ATP8A1: variants seen among roughly 807,000 people sequenced by gnomAD.
The protein encoded by ATP8A1 is phospholipid-transporting ATPase IA.
In ATP8A1, 90 loss-of-function variants were observed where a neutral mutation model predicts 177.7. That is an observed-to-expected ratio of 0.51 (90% CI 0.43 to 0.60). The LOEUF is 0.60. Among genes scored for constraint, ATP8A1 ranks in the 20% least tolerant of loss-of-function variants. ATP8A1 has a pLI of 0.00. For synonymous variants in ATP8A1, 493 were observed against 485.9 expected, an observed-to-expected ratio of 1.01 and a Z score of -0.19; for missense variants, 1,072 against 1,392.8, an observed-to-expected ratio of 0.77 and a Z score of 3.67.
intron 10 of ATP8A1, among the ~76,000 whole-genome samples, chr4:42,581,120 G>A (rs1732995712): frequency 6.6e-6 from 1 of 151,956 alleles, no homozygotes; most frequent in Non-Finnish European, 1.5e-5. Context: ...ATTCCCGTGT[G>A]CAGTTAGCCA....
At chr4:42,454,623 A>G (rs1718281726) in intron 29 of ATP8A1, among the ~76,000 whole-genome samples, 1 of 152,182 alleles carries the variant, frequency 6.6e-6, no homozygotes, top group South Asian at 2.1e-4. Context: ...ACACTTTAGA[A>G]TATATACTTG....
intron 24 of ATP8A1, among the ~76,000 whole-genome samples, chr4:42,488,770 A>C (rs943398176): frequency 2.0e-5 from 3 of 152,024 alleles, no homozygotes; most frequent in Admixed American, 2.0e-4. Flanking sequence ...TGCCTTCAAA[A>C]ACCAAGCTTA....
intron 33 of ATP8A1, among the ~76,000 whole-genome samples, chr4:42,440,076 T>C (rs1716451635): frequency 6.6e-6 from 1 of 152,220 alleles, no homozygotes; most frequent in Non-Finnish European, 1.5e-5. Flanking sequence ...CTGATGTTCA[T>C]GGCAAACACA....
intron 1 of ATP8A1, among the ~76,000 whole-genome samples, chr4:42,653,558 CAA>C (rs1156739889): frequency 1.3e-5 from 2 of 152,180 alleles, no homozygotes; most frequent in East Asian, 1.9e-4. Context: ...GACTGTTTTG[CAA>C]AAGAGTCTAT....
intron 33 of ATP8A1, among the ~76,000 whole-genome samples, chr4:42,431,393 G>C (rs1338904830): frequency 6.6e-6 from 1 of 151,986 alleles, no homozygotes; most frequent in African/African-American, 2.4e-5. Context: ...ACAATTTAAT[G>C]ATCCTTCTAT....
chr4:42,500,860 T>C (rs917987773), intron 24 of ATP8A1, among the ~76,000 whole-genome samples: 2 of 151,946 alleles, frequency 1.3e-5, no homozygotes, highest in Non-Finnish European at 2.9e-5. Flanking sequence ...TGAAGAGTTA[T>C]TTTTTTTAAG....
intron 22 of ATP8A1, among the ~76,000 whole-genome samples, chr4:42,508,787 T>C (rs1339762830): frequency 1.3e-5 from 2 of 152,176 alleles, no homozygotes; most frequent in Non-Finnish European, 2.9e-5. Flanking sequence ...TTTTTTTCCA[T>C]TTAAAATATA....
intron 1 of ATP8A1, among the ~76,000 whole-genome samples, chr4:42,653,753 C>CG (rs1472811954): frequency 1.3e-5 from 2 of 152,152 alleles, no homozygotes; most frequent in East Asian, 3.8e-4. Context: ...TTCAAATATT[C>CG]GGTCCTGTGT....
chr4:42,635,810 T>TACAC (rs1266691958), intron 1 of ATP8A1, among the ~76,000 whole-genome samples: 6 of 103,896 alleles, frequency 5.8e-5, no homozygotes, highest in Admixed American at 1.8e-4. Context: ...TATATATATA[T>TACAC]ACACATGTAT....
At chr4:42,423,392 G>A (rs1020862221) in intron 34 of ATP8A1, among the ~76,000 whole-genome samples, 10 of 152,076 alleles carry the variant, frequency 6.6e-5, no homozygotes, top group Non-Finnish European at 1.2e-4. Flanking sequence ...TTTCTCCAGT[G>A]CCATTTACTT....
At chr4:42,536,004 A>ACATTT (rs1328380904) in intron 20 of ATP8A1, among the ~76,000 whole-genome samples, 3 of 152,206 alleles carry the variant, frequency 2.0e-5, no homozygotes, top group Admixed American at 6.5e-5. Flanking sequence ...TCTACATCAA[A>ACATTT]AAGTCTGAAA....
intron 5 of ATP8A1, among the ~76,000 whole-genome samples, chr4:42,603,686 C>T (rs1264328793): frequency 6.6e-6 from 1 of 152,086 alleles, no homozygotes; most frequent in African/African-American, 2.4e-5. Flanking sequence ...TCAAAATCTG[C>T]CAATATTTTA....
chr4:42,569,408 G>C (rs1410828195), intron 14 of ATP8A1, among the ~76,000 whole-genome samples: 2 of 152,170 alleles, frequency 1.3e-5, no homozygotes, highest in East Asian at 3.9e-4. Context: ...GGTTTACAAA[G>C]TTATCCTGTA....
Position 42,555,837 on chromosome 4 carries a change from ACT to A in ATP8A1, c.1413+129_1413+130del, listed in dbSNP as rs775772313. 2,144 of 672,598 alleles carry A rather than the reference ACT, an allele frequency of 3.2e-3. 6 individuals carry two copies. Among genetic ancestry groups the A allele is most frequent in the Non-Finnish European group, 4.4e-3 (1,849 of 418,788 alleles). 41.7% of individuals were successfully genotyped at this position (672,598 alleles called of 1,614,324 possible). A position where few individuals can be genotyped will look rare whatever the true frequency, so the allele number is the denominator to read the frequency against. On this transcript the variant is annotated intron_variant, in intron 16 of 36. Coordinates refer to ENST00000381668, the MANE Select transcript of ATP8A1 (RefSeq NM_006095.2). ...AGACTCTGTCTCAAATAACTAACTA[ACT>A]AACTAAATAAATAAATAAAAGATCA...
chr4:42,647,977 A>G (rs1475169328), intron 1 of ATP8A1, among the ~76,000 whole-genome samples: 5 of 152,228 alleles, frequency 3.3e-5, no homozygotes, highest in African/African-American at 1.2e-4. Context: ...GCTTTAAGAC[A>G]TACAATATAA....
intron 18 of ATP8A1, among the ~76,000 whole-genome samples, chr4:42,549,639 T>TA (rs1033990969): frequency 3.3e-5 from 5 of 151,298 alleles, no homozygotes; most frequent in Non-Finnish European, 1.5e-5. Flanking sequence ...AAAAATAAAT[T>TA]AAAAAAAATA....
At chr4:42,488,128 C>T (rs1464853399) in intron 24 of ATP8A1, among the ~76,000 whole-genome samples, 1 of 152,096 alleles carries the variant, frequency 6.6e-6, no homozygotes, top group African/African-American at 2.4e-5. Flanking sequence ...ACAGCAAATT[C>T]ATATAGATTA....
chr4:42,541,277 T>G (rs542400375), intron 20 of ATP8A1, among the ~76,000 whole-genome samples: 3 of 152,276 alleles, frequency 2.0e-5, no homozygotes. Context: ...GAAAAAATGT[T>G]CAACATCATA....
Position 42,613,959 on chromosome 4 carries a change from T to A in ATP8A1, c.409+2074A>T, listed in dbSNP as rs77550414. Among the ~76,000 whole-genome samples, 1,176 of 152,224 alleles carry A rather than the reference T, an allele frequency of 7.7e-3. 19 individuals carry two copies. Among genetic ancestry groups the A allele is most frequent in the African/African-American group, 0.027 (1,115 of 41,530 alleles). On this transcript the variant is annotated intron_variant, in intron 5 of 36. Coordinates refer to ENST00000381668, the MANE Select transcript of ATP8A1 (RefSeq NM_006095.2). ...GGATGAGAAACCTACAGATATGAAG[T>A]GTATTCTGTTGACTGAAATGGCTTT...
Sources: allele counts gnomAD v4.1 joint callset (sites outside exome capture counted in the v4.1 genomes callset), GRCh38; gene constraint gnomAD v4.1.1; transcripts MANE v1.5; gene names NCBI Gene and HGNC (gene_info 2026-07-23, HGNC 2026-07-21).